Variants in STAB2 observed in about 807,000 individuals in gnomAD.
STAB2 encodes the protein stabilin-2.
STAB2 carries 288 observed loss-of-function variants against 338.1 expected under a neutral mutation model. The observed-to-expected ratio is 0.85, with a 90% confidence interval of 0.77 to 0.94. The LOEUF (loss-of-function observed/expected upper bound fraction) is 0.94. STAB2 is among the 40% of genes least tolerant of loss of function. The pLI is 0.00. For missense variants in STAB2, 3,141 were observed against 3,210.1 expected (o/e 0.98, Z 0.52); for synonymous variants, 1,202 against 1,193.3 (o/e 1.01, Z -0.15).
chr12:103,621,412 A>G (rs2138634366), intron 4 of STAB2, among the ~76,000 whole-genome samples: 1 of 152,280 alleles, frequency 6.6e-6, no homozygotes, highest in Admixed American at 6.5e-5. Flanking sequence ...ATCCTTCTGA[A>G]AAGGATTGAG....
intron 6 of STAB2, among the ~76,000 whole-genome samples, chr12:103,635,567 AG>A: frequency 6.6e-6 from 1 of 152,236 alleles, no homozygotes; most frequent in Non-Finnish European, 1.5e-5. Context: ...CAGACTGCGC[AG>A]GCCCATGCCT....
At position 103,745,223 on chromosome 12, in the gene STAB2, G is replaced by T; in HGVS notation, c.6082G>T (p.Gly2028Trp). Residue 2028 changes from glycine to tryptophan, a missense_variant, in exon 57 of 69, where the codon GGG (glycine) becomes TGG (tryptophan). By Grantham distance (184) the Gly-to-Trp change is radical (BLOSUM62 -2). Transcript: ENST00000388887. ...GQCDDGITGS[G>W]QCLCETGWTG... is the part of the protein sequence containing the mutation. ...GTGCGATGATGGCATCACGGGCTCC[G>T]GGCAGTGCCTCTGTGAAACGGGGTG... 3 of 1,613,968 alleles carry T rather than the reference G, an allele frequency of 1.9e-6. No homozygotes were observed. Among genetic ancestry groups the T allele is most frequent in the Non-Finnish European group, 2.5e-6 (3 of 1,179,970 alleles).
chr12:103,705,031 C>T (rs73189893), intron 36 of STAB2: 10,316 of 160,736 alleles, frequency 0.064, 540 homozygotes, highest in African/African-American at 0.15. Context: ...ATGGCAGGTA[C>T]GGGGGAGGTA....
chr12:103,608,103 G>A (rs185244853), intron 3 of STAB2, among the ~76,000 whole-genome samples: 32 of 152,196 alleles, frequency 2.1e-4, no homozygotes, highest in African/African-American at 5.1e-4. Flanking sequence ...ATGGTATCTC[G>A]TTGTGGTTTT....
rs12311532 is a variant in STAB2, at chr12:103,766,643, G to A, written c.*307G>A. On this transcript the variant is annotated 3_prime_UTR_variant, in exon 69 of 69. Transcript: ENST00000388887. ...CTTCCCTGTTAGATTGTAAGCCTCC[G>A]TCTTTGTATCCCAGCCCCTAGCCCA... is the stretch of plus-strand genomic sequence containing the variant. 0.012 allele frequency: 3,808 copies of A among 325,368 alleles called. 135 individuals carry two copies. The highest frequency in any genetic ancestry group is 0.075 in the African/African-American group (3,589 of 47,680). The allele number at this position is 325,368 out of a possible 1,614,324, so 20.2% of individuals were successfully genotyped here. A position where few individuals can be genotyped will look rare whatever the true frequency, so the allele number is the denominator to read the frequency against.
rs749231249 is a variant in STAB2, at chr12:103,746,630, C to A, written c.6170C>A (p.Ala2057Asp). The change falls in exon 58 of 69, where the codon GCT becomes GAT. Residue 2057 changes from alanine (A) to aspartate (D), a missense_variant. Physicochemically the swap from Ala to Asp is moderately radical, Grantham distance 126. Transcript: ENST00000388887. ...LPAVCTPPCS[A>D]HATCKENNTC... ...GCAGTGTGTACGCCTCCTTGTTCTG[C>A]TCATGCCACCTGTAAGGAGAACAAC... 1 of 1,614,104 alleles carries A rather than the reference C, an allele frequency of 6.2e-7. No homozygotes were observed. Among genetic ancestry groups the A allele is most frequent in the East Asian group, 2.2e-5 (1 of 44,880 alleles).
chr12:103,708,809 A>G (rs758834982), intron 39 of STAB2, among the ~76,000 whole-genome samples: 7 of 152,220 alleles, frequency 4.6e-5, no homozygotes, highest in Admixed American at 1.3e-4. Context: ...GTAGGGAATC[A>G]CACTTTACAT....
intron 3 of STAB2, among the ~76,000 whole-genome samples, chr12:103,605,036 TTG>T (rs1190987987): frequency 2.0e-5 from 3 of 151,930 alleles, no homozygotes; most frequent in Non-Finnish European, 4.4e-5. Flanking sequence ...TGTTGAAATG[TTG>T]TGTTTCAATT....
At chr12:103,602,572 T>C (rs1956969132) in intron 3 of STAB2, among the ~76,000 whole-genome samples, 1 of 152,232 alleles carries the variant, frequency 6.6e-6, no homozygotes, top group Non-Finnish European at 1.5e-5. Context: ...ATCTATATTA[T>C]TTTTCATTTC....
At position 103,660,701 on chromosome 12, in the gene STAB2, A is replaced by T; in HGVS notation, c.1807A>T (p.Ile603Phe). The change falls in exon 17 of 69, where the codon ATC (isoleucine) becomes TTC (phenylalanine). Residue 603 changes from isoleucine (I) to phenylalanine (F), a missense_variant. Transcript: ENST00000388887. Reference sequence around the variant, plus strand: ...ATTGCAGCTTGAAGTGGCCACTCTCATCTCCACCCCTCACATCAGGAGCAT... The same window carrying T: ...ATTGCAGCTTGAAGTGGCCACTCTCTTCTCCACCCCTCACATCAGGAGCAT... ...PFTQLEVATL[I>F]STPHIRSMAN... The T allele has an allele frequency of 6.2e-7, 1 of 1,613,962 alleles. No homozygotes were observed. Among genetic ancestry groups the T allele is most frequent in the Non-Finnish European group, 8.5e-7 (1 of 1,179,994 alleles).
At chr12:103,620,588 T>C in intron 4 of STAB2, 35 bp downstream of exon 4, 1 of 1,532,960 alleles carries the variant, frequency 6.5e-7, no homozygotes, top group Non-Finnish European at 8.8e-7. Context: ...TTTCCTGGTT[T>C]CTGCTCCCCA....
At chr12:103,705,973 A>G (rs898676323) in intron 37 of STAB2, among the ~76,000 whole-genome samples, 8 of 152,210 alleles carry the variant, frequency 5.3e-5, no homozygotes, top group African/African-American at 1.9e-4. Context: ...TGAGAGTCCG[A>G]GAGGCTAATG....
chr12:103,655,431 A>G (rs1215299144), intron 14 of STAB2, 25 bp from the exon 15 acceptor site: 2 of 1,612,986 alleles, frequency 1.2e-6, no homozygotes, highest in Admixed American at 3.3e-5. Context: ...GGCTGCAGAT[A>G]CAAAATTTCA....
At chr12:103,717,701 G>T in intron 43 of STAB2, 69 bp from the exon 44 acceptor site, 1 of 1,379,148 alleles carries the variant, frequency 7.3e-7, no homozygotes, top group East Asian at 2.3e-5. Context: ...TCAGGTCTGA[G>T]AGCCAGACCA....
At chr12:103,603,113 C>A (rs1356160188) in intron 3 of STAB2, among the ~76,000 whole-genome samples, 2 of 152,042 alleles carry the variant, frequency 1.3e-5, no homozygotes, top group Non-Finnish European at 2.9e-5. Context: ...CTCTGTTGCC[C>A]AGGCTGGAGT....
At position 103,762,414 on chromosome 12, in the gene STAB2, A is replaced by G; in HGVS notation, c.7488+12A>G. 6.2e-7 allele frequency: 1 copy of G among 1,614,216 alleles called. No homozygotes were observed. Among genetic ancestry groups the G allele is most frequent in the Non-Finnish European group, 8.5e-7 (1 of 1,180,044 alleles). On this transcript the variant is annotated intron_variant, in intron 67 of 68. Transcript: ENST00000388887. ...TCCAGCATTTTGAGGTAAGAGAGAAAAATGGGAACATGATGATGGGGTCCT... is the reference window on the plus strand; with the variant it reads ...TCCAGCATTTTGAGGTAAGAGAGAAGAATGGGAACATGATGATGGGGTCCT...
chr12:103,758,718 A>G (rs1884316130), intron 64 of STAB2, among the ~76,000 whole-genome samples: 1 of 152,226 alleles, frequency 6.6e-6, no homozygotes, highest in South Asian at 2.1e-4. Context: ...GTGGGGAAGA[A>G]CCAGGGCCAC....
intron 27 of STAB2, among the ~76,000 whole-genome samples, chr12:103,686,107 A>G (rs557902834): frequency 6.6e-6 from 1 of 152,336 alleles, no homozygotes; most frequent in East Asian, 1.9e-4. Context: ...AAAATGAGAA[A>G]GTCAATTGAC....
In STAB2 at chr12:103,706,840, C is replaced by T; in HGVS notation, c.4045C>T (p.Pro1349Ser). The change falls in exon 38 of 69, where the codon CCA (proline) becomes TCA (serine). Residue 1349 changes from proline to serine, a missense_variant. Transcript: ENST00000388887. ...GFFGPQCQPCPGNAQNVCFGN... is the reference protein window; with the variant it reads ...GFFGPQCQPCSGNAQNVCFGN... ...CTTTGGCCCCCAATGCCAGCCCTGC[C>T]CAGGGAATGCCCAGAATGTCTGCTT... The T allele has an allele frequency of 6.2e-7, 1 of 1,614,224 alleles. No individual in the cohort carries two copies. The highest frequency in any genetic ancestry group is 8.5e-7 in the Non-Finnish European group (1 of 1,180,038).
Sources: gnomAD v4.1 joint callset for allele counts (sites outside exome capture counted in the v4.1 genomes callset) on GRCh38, gnomAD v4.1.1 for gene constraint, MANE v1.5 for transcripts, NCBI Gene and HGNC (gene_info 2026-07-23, HGNC 2026-07-21) for gene names.